Variants in OR7A17 observed in about 807,000 individuals in gnomAD.
OR7A17 encodes the protein olfactory receptor family 7 subfamily A member 17.
For synonymous variants in OR7A17, 159 were observed against 142.1 expected (o/e 1.12, Z -0.85); for missense variants, 366 against 365.5 (o/e 1.00, Z -0.01).
intron 1 of OR7A17, among the ~76,000 whole-genome samples, chr19:14,885,697 C>A (rs1002909036): frequency 6.1e-5 from 4 of 65,674 alleles, no homozygotes; most frequent in African/African-American, 2.7e-4. Context: ...GGCCATACTG[C>A]CCAAAGTAAT....
Position 14,881,107 on chromosome 19 carries a change from A to C in OR7A17, c.249T>G (p.Ile83Met). 6.2e-7 allele frequency: 1 copy of C among 1,614,172 alleles called. No individual in the cohort carries two copies. The highest frequency in any genetic ancestry group is 8.5e-7 in the Non-Finnish European group (1 of 1,180,038). The part of the protein sequence containing the change: ...FISTTIPKML[I>M]NIQTQSRVIT... ...TGACTCTGCTCTGTGTCTGGATGTT[A>C]ATGAGCATCTTTGGGATTGTAGTGG... Residue 83 changes from isoleucine to methionine, a missense_variant, in exon 3 of 3, where the codon ATT becomes ATG. Physicochemically the swap from Ile to Met is conservative, Grantham distance 10. Transcript: ENST00000641113.
At chr19:14,885,698 C>A (rs1159361756) in intron 1 of OR7A17, among the ~76,000 whole-genome samples, 2 of 65,688 alleles carry the variant, frequency 3.0e-5, no homozygotes, top group Non-Finnish European at 6.0e-5. Context: ...GCCATACTGC[C>A]CAAAGTAATT....
intron 1 of OR7A17, among the ~76,000 whole-genome samples, chr19:14,885,488 CAGAG>C (rs1440366837): frequency 6.6e-6 from 1 of 152,066 alleles, no homozygotes; most frequent in African/African-American, 2.4e-5. Flanking sequence ...CAATAATAGA[CAGAG>C]AGCCAAATCA....
At chr19:14,881,574 G>A (rs1431237709) in intron 2 of OR7A17, 23 bp from the exon 3 acceptor site, 1 of 251,512 alleles carries the variant, frequency 4.0e-6, no homozygotes, top group East Asian at 6.5e-5. Flanking sequence ...GAGAGAATAT[G>A]ACAATGTAAT....
At chr19:14,882,728 T>C (rs1467521253) in intron 1 of OR7A17, among the ~76,000 whole-genome samples, 1 of 152,254 alleles carries the variant, frequency 6.6e-6, no homozygotes, top group Non-Finnish European at 1.5e-5. Flanking sequence ...CTGGCTTTTC[T>C]ATTATGAGAT....
At chr19:14,883,831 T>C (rs1175123970) in intron 1 of OR7A17, among the ~76,000 whole-genome samples, 1 of 152,234 alleles carries the variant, frequency 6.6e-6, no homozygotes, top group Non-Finnish European at 1.5e-5. Flanking sequence ...AATTTAATGA[T>C]ATCAAATGAT....
chr19:14,884,019 G>A (rs1447033504), intron 1 of OR7A17, among the ~76,000 whole-genome samples: 1 of 152,146 alleles, frequency 6.6e-6, no homozygotes, highest in African/African-American at 2.4e-5. Flanking sequence ...AGACCAGATT[G>A]TTGAATAAAA....
At chr19:14,885,848 A>C (rs10415130) in intron 1 of OR7A17, 93 bp downstream of exon 1, 66,688 of 152,032 alleles carry the variant, frequency 0.44, 15,361 homozygotes, top group East Asian at 0.83. Flanking sequence ...AAGCTGGAGG[A>C]AATGATTGGC....
Position 14,880,191 on chromosome 19 carries a change from G to T in OR7A17, c.*235C>A. ...CTGACCCTAGTTTGGGAAAAACATTGGGAAAGTAGGAAAATGACAAAAAAA... is the reference window on the plus strand; with the variant it reads ...CTGACCCTAGTTTGGGAAAAACATTTGGAAAGTAGGAAAATGACAAAAAAA... On this transcript the variant is annotated 3_prime_UTR_variant, in exon 3 of 3. Coordinates refer to ENST00000641113, the MANE Select transcript of OR7A17 (RefSeq NM_030901.2). 3.6e-6 allele frequency: 1 copy of T among 275,860 alleles called. No homozygotes were observed. The highest frequency in any genetic ancestry group is 6.3e-6 in the Non-Finnish European group (1 of 158,598). The allele number at this position is 275,860 out of a possible 1,614,324, so 17.1% of individuals were successfully genotyped here.
At chr19:14,885,364 A>T (rs7249839) in intron 1 of OR7A17, among the ~76,000 whole-genome samples, 5,497 of 152,284 alleles carry the variant, frequency 0.036, 276 homozygotes, top group African/African-American at 0.1. Flanking sequence ...ACATGATTGT[A>T]TATTTAGGAA....
intron 1 of OR7A17, among the ~76,000 whole-genome samples, chr19:14,883,626 TAA>T (rs1437802672): frequency 6.6e-6 from 1 of 152,168 alleles, no homozygotes; most frequent in Non-Finnish European, 1.5e-5. Flanking sequence ...TTCCCTGCTT[TAA>T]GTTTGTATTT....
Position 14,880,737 on chromosome 19 carries a change from C to A in OR7A17, c.619G>T (p.Ala207Ser). Reference protein sequence around the residue: ...MGMYFAAGLLAGGPLVGILCS... With the variant: ...MGMYFAAGLLSGGPLVGILCS... ...AGGATCCCCACAAGGGGACCACCAG[C>A]CAGCAGCCCTGCTGCAAAATACATC... is the stretch of plus-strand genomic sequence containing the variant. The change falls in exon 3 of 3, where the codon GCT becomes TCT. Residue 207 changes from alanine (A) to serine (S), a missense_variant. By Grantham distance (99) the Ala-to-Ser change is moderately conservative (BLOSUM62 1). Coordinates refer to ENST00000641113, the MANE Select transcript of OR7A17 (RefSeq NM_030901.2). 1 of 1,614,214 alleles carries A rather than the reference C, an allele frequency of 6.2e-7. No individual in the cohort carries two copies. Among genetic ancestry groups the A allele is most frequent in the South Asian group, 1.1e-5 (1 of 91,082 alleles).
chr19:14,880,780 G>A lies in OR7A17; in HGVS notation c.576C>T (p.Thr192=), dbSNP rs754518121. The change falls in exon 3 of 3, where the codon ACC becomes ACT. Residue 192 remains threonine, a synonymous_variant. Coordinates refer to ENST00000641113, the MANE Select transcript of OR7A17 (RefSeq NM_030901.2). ...NQVIHLACSD[T]FLNDMGMYFA... ...AATACATCCCCATGTCATTAAGAAA[G>A]GTGTCAGAACAGGCAAGGTGGATGA... The A allele has an allele frequency of 6.2e-7, 1 of 1,614,184 alleles. No individual in the cohort carries two copies. The highest frequency in any genetic ancestry group is 8.5e-7 in the Non-Finnish European group (1 of 1,180,026).
rs1346241898 is a variant in OR7A17 at position 14,880,740 on chromosome 19, G to C, written c.616C>G (p.Leu206Val). The C allele has an allele frequency of 1.2e-6, 2 of 1,614,256 alleles. No homozygotes were observed. Among genetic ancestry groups the C allele is most frequent in the Non-Finnish European group, 8.5e-7 (1 of 1,180,050 alleles). The change falls in exon 3 of 3, where the codon CTG becomes GTG. Residue 206 changes from leucine to valine, a missense_variant. Physicochemically the swap from Leu to Val is conservative, Grantham distance 32. Coordinates refer to ENST00000641113, the MANE Select transcript of OR7A17 (RefSeq NM_030901.2). Reference sequence around the variant, plus strand: ...ATCCCCACAAGGGGACCACCAGCCAGCAGCCCTGCTGCAAAATACATCCCC... The same window carrying C: ...ATCCCCACAAGGGGACCACCAGCCACCAGCCCTGCTGCAAAATACATCCCC... The part of the protein sequence containing the change: ...DMGMYFAAGL[L>V]AGGPLVGILC...
At chr19:14,882,624 A>G (rs16980065) in intron 1 of OR7A17, among the ~76,000 whole-genome samples, 36,722 of 152,198 alleles carry the variant, frequency 0.24, 5,689 homozygotes, top group East Asian at 0.62. Flanking sequence ...GTCTGACCAG[A>G]TGCTGTTGCA....
chr19:14,879,727 C>A lies in OR7A17; in HGVS notation c.*699G>T, dbSNP rs2045096734. 1 of 152,096 alleles carries A rather than the reference C, an allele frequency of 6.6e-6. No individual in the cohort carries two copies. 9.4% of individuals were successfully genotyped at this position (152,096 alleles called of 1,614,324 possible). On this transcript the variant is annotated 3_prime_UTR_variant, in exon 3 of 3. Coordinates refer to ENST00000641113, the MANE Select transcript of OR7A17 (RefSeq NM_030901.2). ...TCCCCTGAGGGTAGGAGTTCGAGAC[C>A]AGCCTGGCCAACATGGTGAAACCCC...
chr19:14,881,467 G>C lies in OR7A17; in HGVS notation c.-112C>G. 1.6e-6 allele frequency: 1 copy of C among 642,244 alleles called. No individual in the cohort carries two copies. The highest frequency in any genetic ancestry group is 2.2e-6 in the Non-Finnish European group (1 of 448,642). 39.8% of individuals were successfully genotyped at this position (642,244 alleles called of 1,614,324 possible). A position where few individuals can be genotyped will look rare whatever the true frequency, so the allele number is the denominator to read the frequency against. ...TGGTCTGAACCTCCTGGACTCATGC[G>C]ATCCTCCCACTTCAGCCTACAAAAG... On this transcript the variant is annotated 5_prime_UTR_variant, in exon 3 of 3. It adds an upstream start codon to the 5' untranslated region. Coordinates refer to ENST00000641113, the MANE Select transcript of OR7A17 (RefSeq NM_030901.2).
rs762059300 is a variant in OR7A17, at chr19:14,881,345, T to C, written c.11A>G (p.Glu4Gly). Reference protein sequence around the residue: MEPENDTGISEFVL... With the variant: MEPGNDTGISEFVL... ...AAATTCTGAAATCCCTGTGTCATTC[T>C]CTGGTTCCATCTTTTTTTTTCTATT... Residue 4 changes from glutamate (E) to glycine (G), a missense_variant, in exon 3 of 3, where the codon GAG (glutamate) becomes GGG (glycine). By Grantham distance (98) the Glu-to-Gly change is moderately conservative. Transcript: ENST00000641113. The C allele has an allele frequency of 2.1e-6, 3 of 1,407,452 alleles. No individual in the cohort carries two copies. The South Asian group carries it at 5.9e-5, about 27-fold the overall frequency. The allele number at this position is 1,407,452 out of a possible 1,614,324, so 87.2% of individuals were successfully genotyped here.
At position 14,878,818 on chromosome 19, in the gene OR7A17, G is replaced by A. The variant is rs1282920684; in HGVS notation, c.*1608C>T. 1 of 152,170 alleles carries A rather than the reference G, an allele frequency of 6.6e-6. No individual in the cohort carries two copies. Among genetic ancestry groups the A allele is most frequent in the African/African-American group, 2.4e-5 (1 of 41,404 alleles). 9.4% of individuals were successfully genotyped at this position (152,170 alleles called of 1,614,324 possible). A position where few individuals can be genotyped will look rare whatever the true frequency, so the allele number is the denominator to read the frequency against. ...AGCCTCCTGAGTAGCTGGGATTACA[G>A]GCATGTGCCACCATGCCCGGCTAAT... On this transcript the variant is annotated 3_prime_UTR_variant, in exon 3 of 3. Coordinates refer to ENST00000641113, the MANE Select transcript of OR7A17 (RefSeq NM_030901.2).
Sources: allele counts gnomAD v4.1 joint callset (sites outside exome capture counted in the v4.1 genomes callset), GRCh38; gene constraint gnomAD v4.1.1; transcripts MANE v1.5; gene names NCBI Gene and HGNC (gene_info 2026-07-23, HGNC 2026-07-21).